CHCHD6: variants seen among roughly 807,000 people sequenced by gnomAD.
CHCHD6 encodes MICOS complex subunit MIC25.
In CHCHD6, 28 loss-of-function variants were observed where a neutral mutation model predicts 32.3. The observed-to-expected ratio is 0.87, with a 90% CI of 0.64 to 1.19. The LOEUF (loss-of-function observed/expected upper bound fraction) is 1.19. Among genes scored for constraint, CHCHD6 ranks in the 50% most tolerant of loss-of-function variants. CHCHD6 has a pLI of 0.00. For synonymous variants in CHCHD6, 122 were observed against 117.5 expected, an observed-to-expected ratio of 1.04 and a Z score of -0.25; for missense variants, 333 against 307.0, an observed-to-expected ratio of 1.08 and a Z score of -0.63.
At chr3:126,719,384 GC>G (rs1001634612) in intron 1 of CHCHD6, among the ~76,000 whole-genome samples, 2 of 152,118 alleles carry the variant, frequency 1.3e-5, no homozygotes, top group Non-Finnish European at 2.9e-5. Flanking sequence ...GCGGCTTCTT[GC>G]CCCCCCTGCC....
intron 4 of CHCHD6, among the ~76,000 whole-genome samples, chr3:126,740,244 G>A (rs1157652067): frequency 6.6e-6 from 1 of 152,090 alleles, no homozygotes; most frequent in Non-Finnish European, 1.5e-5. Flanking sequence ...CCCTCCTGCA[G>A]CTGCAGACTA....
intron 4 of CHCHD6, among the ~76,000 whole-genome samples, chr3:126,806,590 A>T (rs1330938004): frequency 6.6e-6 from 1 of 152,180 alleles, no homozygotes; most frequent in African/African-American, 2.4e-5. Context: ...ACACTTTTAC[A>T]CTGTTGGTGG....
chr3:126,890,976 C>T (rs1392277021), intron 5 of CHCHD6, among the ~76,000 whole-genome samples: 1 of 152,124 alleles, frequency 6.6e-6, no homozygotes, highest in Non-Finnish European at 1.5e-5. Context: ...TTTTAGGAAG[C>T]GCCCAGTGGG....
chr3:126,846,178 T>G (rs1432081842), intron 4 of CHCHD6, among the ~76,000 whole-genome samples: 1 of 152,196 alleles, frequency 6.6e-6, no homozygotes, highest in Non-Finnish European at 1.5e-5. Flanking sequence ...ATTTTTCCTG[T>G]CTGGTGATTC....
At chr3:126,764,156 TATATATACACACAC>T (rs1937265404) in intron 4 of CHCHD6, among the ~76,000 whole-genome samples, 1 of 148,252 alleles carries the variant, frequency 6.7e-6, no homozygotes. Flanking sequence ...CTAAGAAATA[TATATATACACACAC>T]ATATATACAC....
At chr3:126,866,033 C>T (rs1035552288) in intron 5 of CHCHD6, among the ~76,000 whole-genome samples, 5 of 152,116 alleles carry the variant, frequency 3.3e-5, no homozygotes, top group Non-Finnish European at 7.4e-5. Context: ...GAGAGAATCA[C>T]AAATGAAAAT....
Position 126,957,521 on chromosome 3 carries a change from A to G in CHCHD6, c.672A>G (p.Ala224=). The G allele has an allele frequency of 6.3e-7, 1 of 1,584,756 alleles. No individual in the cohort carries two copies. The highest frequency in any genetic ancestry group is 8.6e-7 in the Non-Finnish European group (1 of 1,165,760). Residue 224 remains alanine, a synonymous_variant, in exon 7 of 8, where the codon GCA becomes GCG. Coordinates refer to ENST00000290913, the MANE Select transcript of CHCHD6 (RefSeq NM_032343.3). ...TGCTGTGCTCGGACCTGGTCAAGGC[A>G]TACCAGCGCTGCGTGAGCGCCGCCC... ...EVLLCSDLVK[A]YQRCVSAAHK... is the part of the protein sequence containing the mutation.
At chr3:126,707,748 C>CGGTGGAGGG (rs1293164156) in intron 1 of CHCHD6, among the ~76,000 whole-genome samples, 2 of 152,204 alleles carry the variant, frequency 1.3e-5, no homozygotes, top group Non-Finnish European at 2.9e-5. Context: ...TTCTGGACCA[C>CGGTGGAGGG]GGTGGAGGGG....
chr3:126,957,121 T>C, intron 6 of CHCHD6: 1 of 470,640 alleles, frequency 2.1e-6, no homozygotes, highest in Non-Finnish European at 3.9e-6. Flanking sequence ...TCCTGTCTCC[T>C]GAGTGTACAC....
intron 4 of CHCHD6, among the ~76,000 whole-genome samples, chr3:126,797,376 G>T (rs1938846209): frequency 6.6e-6 from 1 of 152,144 alleles, no homozygotes; most frequent in Admixed American, 6.5e-5. Flanking sequence ...TTGACATAGA[G>T]CTTCCCAGGA....
intron 1 of CHCHD6, among the ~76,000 whole-genome samples, chr3:126,710,981 C>T (rs1268496316): frequency 6.6e-6 from 1 of 152,154 alleles, no homozygotes; most frequent in Non-Finnish European, 1.5e-5. Flanking sequence ...TGAATGTGAA[C>T]GTCCTTGTCT....
intron 6 of CHCHD6, chr3:126,953,223 C>A (rs1297665430): frequency 1.4e-5 from 10 of 734,624 alleles, no homozygotes; most frequent in Non-Finnish European, 1.7e-5. Flanking sequence ...TTCCACTAGA[C>A]CAAGAGTCCC....
intron 7 of CHCHD6, among the ~76,000 whole-genome samples, chr3:126,958,162 C>T (rs532917286): frequency 6.6e-5 from 10 of 151,738 alleles, no homozygotes; most frequent in Non-Finnish European, 1.3e-4. Context: ...CTTCCTCCCC[C>T]ACCCCCAACT....
chr3:126,759,936 C>G (rs1169033139), intron 4 of CHCHD6, among the ~76,000 whole-genome samples: 1 of 152,132 alleles, frequency 6.6e-6, no homozygotes, highest in Non-Finnish European at 1.5e-5. Context: ...CCTCAGGGAG[C>G]TTTTACTCAT....
intron 3 of CHCHD6, among the ~76,000 whole-genome samples, chr3:126,731,812 A>G (rs529456122): frequency 6.6e-6 from 1 of 152,274 alleles, no homozygotes; most frequent in East Asian, 1.9e-4. Context: ...TGGTGGCTCA[A>G]TCCTGTAATC....
At chr3:126,751,301 A>C (rs1936710955) in intron 4 of CHCHD6, among the ~76,000 whole-genome samples, 1 of 151,984 alleles carries the variant, frequency 6.6e-6, no homozygotes, top group African/African-American at 2.4e-5. Context: ...CAGAAGTTCG[A>C]GACCAGCCTG....
chr3:126,774,897 TC>T (rs1394833765), intron 4 of CHCHD6, among the ~76,000 whole-genome samples: 1 of 152,204 alleles, frequency 6.6e-6, no homozygotes. Context: ...TGGGGGGCTT[TC>T]CTGGTTTATT....
intron 1 of CHCHD6, among the ~76,000 whole-genome samples, chr3:126,726,760 GC>G (rs761154134): frequency 6.6e-6 from 1 of 152,194 alleles, no homozygotes; most frequent in Non-Finnish European, 1.5e-5. Context: ...GGAAGAGCAT[GC>G]CTGAATTCAG....
chr3:126,939,785 A>C (rs1343275970), intron 6 of CHCHD6, among the ~76,000 whole-genome samples: 2 of 152,230 alleles, frequency 1.3e-5, no homozygotes, highest in African/African-American at 4.8e-5. Context: ...TGAATCTCAG[A>C]GATAAGGGCA....
Sources: allele counts gnomAD v4.1 joint callset (sites outside exome capture counted in the v4.1 genomes callset), GRCh38; gene constraint gnomAD v4.1.1; transcripts MANE v1.5; gene names NCBI Gene and HGNC (gene_info 2026-07-23, HGNC 2026-07-21).